Variants in TBCD observed in about 807,000 individuals in gnomAD.
TBCD encodes tubulin folding cofactor D.
TBCD carries 105 observed loss-of-function variants against 169.3 expected under a neutral mutation model. The observed-to-expected ratio is 0.62, with a 90% CI of 0.53 to 0.73. TBCD has a LOEUF of 0.73. Among genes scored for constraint, TBCD ranks in the 30% least tolerant of loss-of-function variants. TBCD has a pLI of 0.00. For missense variants in TBCD, 1,444 were observed against 1,600.1 expected (o/e 0.90, Z 1.66); for synonymous variants, 700 against 643.9 (o/e 1.09, Z -1.32).
chr17:82,932,875 A>T (rs772874147), intron 34 of TBCD, 140 bp downstream of exon 34: 17 of 729,524 alleles, frequency 2.3e-5, no homozygotes, highest in Admixed American at 7.4e-5. Flanking sequence ...GGTGACTGTA[A>T]ATACCGTCAT....
chr17:82,797,983 T>C (rs1295646449), intron 8 of TBCD, among the ~76,000 whole-genome samples, 181 bp downstream of exon 8: 4 of 128,056 alleles, frequency 3.1e-5, no homozygotes, highest in African/African-American at 5.9e-5. Context: ...TTTTTTTTTT[T>C]TTTTTTTTTT....
intron 14 of TBCD, among the ~76,000 whole-genome samples, chr17:82,870,879 T>G (rs1294718257): frequency 6.6e-6 from 1 of 152,262 alleles, no homozygotes; most frequent in Non-Finnish European, 1.5e-5. Context: ...AGTCTTCAGA[T>G]GGTGTTTGTT....
intron 7 of TBCD, among the ~76,000 whole-genome samples, chr17:82,793,636 G>C (rs902259279): frequency 3.3e-5 from 5 of 152,224 alleles, no homozygotes; most frequent in African/African-American, 1.2e-4. Context: ...GGCCCTGGTG[G>C]GCTCGCTGCA....
In TBCD at chr17:82,924,751, A is replaced by C. The variant is rs559758927; in HGVS notation, c.2261-188A>C. On this transcript the variant is annotated intron_variant, in intron 26 of 38. Transcript: ENST00000355528. ...CTGGGTGACAGAATGAGACTCTCTC[A>C]AAAAAAAAATTCTCTTTCTGATTCC... 2.4e-4 allele frequency among the ~76,000 whole-genome samples: 36 copies of C among 150,604 alleles called. 1 individual carries two copies. In the East Asian group the frequency reaches 5.4e-3, roughly 23 times the overall value.
chr17:82,929,127 T>C lies in TBCD; in HGVS notation c.2708T>C (p.Met903Thr). The change falls in exon 31 of 39, where the codon ATG becomes ACG. Residue 903 changes from methionine to threonine, a missense_variant. Physicochemically the swap from Met to Thr is moderately conservative, Grantham distance 81. Coordinates refer to ENST00000355528, the MANE Select transcript of TBCD (RefSeq NM_005993.5). ...LIEAHTCERI[M>T]CCVAQQASEK... is the part of the protein sequence containing the mutation. ...TCGGTTTGCAGCTGTGAGCGCATCA[T>C]GTGCTGTGTGGCCCAGCAGGCCAGT... 1 of 1,611,806 alleles carries C rather than the reference T, an allele frequency of 6.2e-7. No homozygotes were observed.
At chr17:82,933,169 C>T (rs1056691832) in intron 34 of TBCD, among the ~76,000 whole-genome samples, 12 of 152,034 alleles carry the variant, frequency 7.9e-5, no homozygotes, top group Admixed American at 3.3e-4. Flanking sequence ...TTCTGCGCCA[C>T]GCGGATGCCC....
At chr17:82,822,876 G>A (rs188278917) in intron 13 of TBCD, among the ~76,000 whole-genome samples, 2 of 152,308 alleles carry the variant, frequency 1.3e-5, no homozygotes, top group Non-Finnish European at 2.9e-5. Flanking sequence ...CACACAGGAG[G>A]GAGTGAGAGA....
intron 12 of TBCD, among the ~76,000 whole-genome samples, chr17:82,811,633 C>T (rs2051451036): frequency 1.3e-5 from 2 of 152,128 alleles, no homozygotes. Flanking sequence ...TGATTGTCAA[C>T]CGTGGCATAA....
chr17:82,829,263 A>G (rs1229569875), intron 13 of TBCD, among the ~76,000 whole-genome samples: 3 of 149,150 alleles, frequency 2.0e-5, no homozygotes, highest in Admixed American at 6.7e-5. Flanking sequence ...GCAGACACCT[A>G]CACGCACTCG....
rs754287863 is a variant in TBCD, at chr17:82,923,670, C to A, written c.2197C>A (p.Leu733Met). The change falls in exon 26 of 39, where the codon CTG (leucine) becomes ATG (methionine). Residue 733 changes from leucine to methionine, a missense_variant. Physicochemically the swap from Leu to Met is conservative, Grantham distance 15 (BLOSUM62 2). Transcript: ENST00000355528. The surrounding 1 kb of genome is among the most constrained non-coding windows in gnomAD (Gnocchi z 4.6). ...GTTTTAGGATGCAGCAGTCTCGGCC[C>A]TGGCTGCTCTATGCAGTGAATATTA... ...QQMKDAAVSA[L>M]AALCSEYYMK... 1 of 1,587,588 alleles carries A rather than the reference C, an allele frequency of 6.3e-7. No homozygotes were observed.
At chr17:82,808,035 G>T (rs1008397520) in intron 11 of TBCD, among the ~76,000 whole-genome samples, 2 of 152,202 alleles carry the variant, frequency 1.3e-5, no homozygotes, top group African/African-American at 4.8e-5. Context: ...CCTCTTTTGT[G>T]GGGTGAGCAG....
At chr17:82,910,087 GC>G (rs1384686991) in intron 22 of TBCD, among the ~76,000 whole-genome samples, 1 of 152,232 alleles carries the variant, frequency 6.6e-6, no homozygotes, top group Non-Finnish European at 1.5e-5. Context: ...CCAGCCTTTG[GC>G]TATTGTAGGG....
rs2056294793 is a variant in TBCD at position 82,856,521 on chromosome 17, G to T, written c.1319-13703G>T. On this transcript the variant is annotated intron_variant, in intron 13 of 38. Coordinates refer to ENST00000355528, the MANE Select transcript of TBCD (RefSeq NM_005993.5). ...CCTGCTGAAATCCTGACTCCCAAGG[G>T]CACAGTGTTAGGTGTGGCCTTTCGT... 3.3e-5 allele frequency among the ~76,000 whole-genome samples: 5 copies of T among 152,270 alleles called. No homozygotes were observed. The South Asian group carries it at 1.0e-3, about 32-fold the overall frequency.
chr17:82,875,455 G>T (rs1233087502), intron 14 of TBCD, among the ~76,000 whole-genome samples: 1 of 152,220 alleles, frequency 6.6e-6, no homozygotes, highest in African/African-American at 2.4e-5. Context: ...TGCTGCCATT[G>T]TGTGTCCAGT....
intron 11 of TBCD, among the ~76,000 whole-genome samples, chr17:82,807,993 G>A (rs1204140674): frequency 1.3e-5 from 2 of 152,186 alleles, no homozygotes; most frequent in Non-Finnish European, 2.9e-5. Context: ...TGGGGGTCAC[G>A]GCTCCTACAA....
At chr17:82,937,678 G>C in intron 35 of TBCD, 1 of 614,904 alleles carries the variant, frequency 1.6e-6, no homozygotes, top group Non-Finnish European at 2.8e-6. Flanking sequence ...GTGCCCTGGG[G>C]GTCGCTGTTG....
chr17:82,801,397 T>C (rs2050507717), intron 9 of TBCD, among the ~76,000 whole-genome samples: 2 of 152,226 alleles, frequency 1.3e-5, no homozygotes, highest in African/African-American at 4.8e-5. Flanking sequence ...CATCTCCCAG[T>C]TGGAAGAACT....
At chr17:82,821,385 C>T (rs1316345370) in intron 13 of TBCD, among the ~76,000 whole-genome samples, 2 of 152,228 alleles carry the variant, frequency 1.3e-5, no homozygotes, top group African/African-American at 4.8e-5. Context: ...ACACTTGCTT[C>T]CCAGCACTTA....
rs1354478554 is a variant in TBCD, at chr17:82,764,035, T to C, written c.306T>C (p.Ala102=). 1 of 1,613,738 alleles carries C rather than the reference T, an allele frequency of 6.2e-7. No homozygotes were observed. The highest frequency in any genetic ancestry group is 1.7e-5 in the Admixed American group (1 of 59,976). Residue 102 remains alanine, a synonymous_variant, in exon 3 of 39, where the codon GCT becomes GCC. Transcript: ENST00000355528. ...CTCCAGCTTCCCTTGTACATCTGGC[T>C]TTTAAATTTCTTTACATCATCACCA... ...QTSPASLVHL[A]FKFLYIITKV...
Sources: gnomAD v4.1 joint callset for allele counts (sites outside exome capture counted in the v4.1 genomes callset) on GRCh38, gnomAD v4.1.1 for gene constraint, Gnocchi (gnomAD v3.1) non-coding constraint, MANE v1.5 for transcripts, NCBI Gene and HGNC (gene_info 2026-07-23, HGNC 2026-07-21) for gene names.